The following ANKFN1 variants were observed in gnomAD, a reference collection of about 807,000 sequenced individuals.
The protein encoded by ANKFN1 is ankyrin repeat and fibronectin type-III domain-containing protein 1.
A neutral mutation model predicts 108.7 loss-of-function variants in ANKFN1; 74 were observed. That is an observed-to-expected ratio of 0.68 (90% CI 0.56 to 0.83). The LOEUF (loss-of-function observed/expected upper bound fraction) is 0.83. Ranked by LOEUF, ANKFN1 falls within the 40% of genes least tolerant of loss-of-function variation. The pLI is 0.00. For synonymous variants in ANKFN1, 547 were observed against 516.2 expected (o/e 1.06, Z -0.81); for missense variants, 1,505 against 1,382.3 (o/e 1.09, Z -1.41).
chr17:56,108,805 A>G (rs1053925036), intron 4 of ANKFN1, among the ~76,000 whole-genome samples: 1 of 152,196 alleles, frequency 6.6e-6, no homozygotes, highest in Non-Finnish European at 1.5e-5. Context: ...AAATATTACA[A>G]TGTTGAGATA....
intron 4 of ANKFN1, among the ~76,000 whole-genome samples, chr17:56,142,537 C>T (rs1266955737): frequency 6.6e-6 from 1 of 152,176 alleles, no homozygotes; most frequent in Non-Finnish European, 1.5e-5. Context: ...GCTAACTCAC[C>T]TCAAACAGGC....
intron 4 of ANKFN1, among the ~76,000 whole-genome samples, chr17:56,049,101 C>A (rs1567777226): frequency 6.6e-6 from 1 of 152,194 alleles, no homozygotes; most frequent in Non-Finnish European, 1.5e-5. Context: ...TCAGTTTCTA[C>A]CTGCTGTGGG....
intron 11 of ANKFN1, 39 bp from the exon 12 acceptor site, chr17:56,456,822 C>T (rs556915746): frequency 2.6e-6 from 4 of 1,544,642 alleles, no homozygotes; most frequent in East Asian, 4.5e-5. Context: ...TTGATCTGCC[C>T]AGTGGAATTT....
At chr17:56,301,549 T>C (rs1440237543) in intron 3 of ANKFN1, among the ~76,000 whole-genome samples, 4 of 152,190 alleles carry the variant, frequency 2.6e-5, no homozygotes, top group Non-Finnish European at 5.9e-5. Context: ...AGGGGAACAC[T>C]TGTCTCCCAA....
At chr17:56,109,386 G>A (rs1905827125) in intron 4 of ANKFN1, among the ~76,000 whole-genome samples, 1 of 152,072 alleles carries the variant, frequency 6.6e-6, no homozygotes, top group African/African-American at 2.4e-5. Flanking sequence ...TTTGTTGTGA[G>A]GGAAGTCCTG....
In ANKFN1 at chr17:56,138,278, AAAGTC is replaced by A. The variant is rs565571513; in HGVS notation, c.289-89638_289-89634del. On this transcript the variant is annotated intron_variant, in intron 4 of 12. Transcript: ENST00000635860. ...GGCTTTGTGCATTTAGATCTCAAAAAAAGTCCATCCAGAAAATGGATTTGAATCTG... is the reference window on the plus strand; with the variant it reads ...GGCTTTGTGCATTTAGATCTCAAAAACATCCAGAAAATGGATTTGAATCTG... Among the ~76,000 whole-genome samples, 335 of 152,328 alleles carry A rather than the reference AAAGTC, an allele frequency of 2.2e-3. 2 individuals are homozygous for A. Among genetic ancestry groups the A allele is most frequent in the Admixed American group, 4.4e-3 (68 of 15,306 alleles).
rs373127053 is a variant in ANKFN1 at position 56,194,087 on chromosome 17, AT to A, written c.-70-18508del. Among the ~76,000 whole-genome samples the A allele has an allele frequency of 1.7e-3, 264 of 152,328 alleles. 3 individuals carry two copies. The highest frequency in any genetic ancestry group is 6.1e-3 in the African/African-American group (254 of 41,576). ...AGCAATGATATACCACTGTACACCTATTTAGAATGGCCAAAATCCAGAATGC... is the reference window on the plus strand; with the variant it reads ...AGCAATGATATACCACTGTACACCTATTAGAATGGCCAAAATCCAGAATGC... On this transcript the variant is annotated intron_variant, in intron 1 of 20. Coordinates refer to ENST00000682825, the MANE Select transcript of ANKFN1 (RefSeq NM_001370326.1).
At chr17:56,295,412 G>C (rs1314011196) in intron 3 of ANKFN1, among the ~76,000 whole-genome samples, 1 of 152,178 alleles carries the variant, frequency 6.6e-6, no homozygotes, top group East Asian at 1.9e-4. Flanking sequence ...ACCTGTATCA[G>C]TATCACCTGG....
At chr17:56,168,094 C>G (rs184117171) in intron 1 of ANKFN1, among the ~76,000 whole-genome samples, 19 of 152,148 alleles carry the variant, frequency 1.2e-4, no homozygotes, top group African/African-American at 4.1e-4. Context: ...TGGCAAAACC[C>G]CATCTCTACT....
chr17:56,268,797 A>G (rs1319095122), intron 3 of ANKFN1, among the ~76,000 whole-genome samples: 1 of 152,026 alleles, frequency 6.6e-6, no homozygotes, highest in Non-Finnish European at 1.5e-5. Context: ...TTTATTTTCA[A>G]CTCATCTTCT....
At chr17:56,249,166 G>A (rs921155993) in intron 3 of ANKFN1, among the ~76,000 whole-genome samples, 3 of 152,154 alleles carry the variant, frequency 2.0e-5, no homozygotes, top group African/African-American at 7.2e-5. Flanking sequence ...AAGAAACTCT[G>A]AAGTATGCCT....
At chr17:56,117,654 GCAA>G (rs1191074072) in intron 4 of ANKFN1, among the ~76,000 whole-genome samples, 1 of 152,084 alleles carries the variant, frequency 6.6e-6, no homozygotes, top group Non-Finnish European at 1.5e-5. Flanking sequence ...AAAGGAATAG[GCAA>G]AGACAAATAG....
chr17:56,450,723 G>A (rs2049453947), intron 11 of ANKFN1, among the ~76,000 whole-genome samples: 1 of 152,140 alleles, frequency 6.6e-6, no homozygotes, highest in Non-Finnish European at 1.5e-5. Flanking sequence ...CAAAGCAAGT[G>A]GACAGATGAT....
chr17:56,408,320 A>G (rs1156724803), intron 8 of ANKFN1, among the ~76,000 whole-genome samples: 1 of 152,140 alleles, frequency 6.6e-6, no homozygotes, highest in Non-Finnish European at 1.5e-5. Context: ...AGATGTTTAT[A>G]CACATTTTAT....
At chr17:56,281,015 T>C (rs916180582) in intron 3 of ANKFN1, among the ~76,000 whole-genome samples, 10 of 151,556 alleles carry the variant, frequency 6.6e-5, no homozygotes, top group African/African-American at 2.4e-4. Flanking sequence ...CCGTGTGAGA[T>C]GGGCCTTTCA....
chr17:56,366,700 G>A (rs903453064), intron 6 of ANKFN1, among the ~76,000 whole-genome samples: 1 of 152,196 alleles, frequency 6.6e-6, no homozygotes, highest in Admixed American at 6.5e-5. Context: ...GCAACATGCT[G>A]TACAGGTGTA....
intron 3 of ANKFN1, among the ~76,000 whole-genome samples, chr17:56,296,908 G>A (rs2044528849): frequency 6.6e-6 from 1 of 152,112 alleles, no homozygotes; most frequent in African/African-American, 2.4e-5. Flanking sequence ...TAGCATGCTT[G>A]GTAAATATCA....
intron 3 of ANKFN1, among the ~76,000 whole-genome samples, chr17:56,234,518 G>C (rs891010779): frequency 6.6e-6 from 1 of 151,956 alleles, no homozygotes; most frequent in Admixed American, 6.6e-5. Context: ...CCACCCTCAA[G>C]TAGGTCCCGG....
intron 4 of ANKFN1, among the ~76,000 whole-genome samples, chr17:56,053,913 CT>C (rs1214285925): frequency 6.6e-6 from 1 of 152,060 alleles, no homozygotes; most frequent in South Asian, 2.1e-4. Flanking sequence ...TGGTTGAGTT[CT>C]ATAGTGGTGA....
Sources: gnomAD v4.1 joint callset for allele counts (sites outside exome capture counted in the v4.1 genomes callset) on GRCh38, gnomAD v4.1.1 for gene constraint, MANE v1.5 for transcripts, NCBI Gene and HGNC (gene_info 2026-07-23, HGNC 2026-07-21) for gene names.